Variants in SLC38A6 observed in about 807,000 individuals in gnomAD.
The protein encoded by SLC38A6 is solute carrier family 38 member 6, also known as N system amino acid transporter NAT-1.
In SLC38A6, 73 loss-of-function variants were observed where a neutral mutation model predicts 65.0. The observed-to-expected ratio is 1.12, with a 90% CI of 0.93 to 1.37. SLC38A6 has a LOEUF of 1.37. Ranked by LOEUF, SLC38A6 falls within the 40% of genes most tolerant of loss-of-function variation. The pLI is 0.00. For synonymous variants in SLC38A6, 183 were observed against 178.8 expected (o/e 1.02, Z -0.19); for missense variants, 561 against 531.1 (o/e 1.06, Z -0.55).
At chr14:61,014,995 G>C (rs574826263) in intron 3 of SLC38A6, among the ~76,000 whole-genome samples, 1 of 152,202 alleles carries the variant, frequency 6.6e-6, no homozygotes, top group Non-Finnish European at 1.5e-5. Flanking sequence ...AGTCTACAGA[G>C]GCACGCAGGG....
intron 5 of SLC38A6, among the ~76,000 whole-genome samples, chr14:61,026,460 T>A (rs140894320): frequency 3.9e-4 from 60 of 152,128 alleles, no homozygotes; most frequent in African/African-American, 1.1e-3. Context: ...ACATTGAAAA[T>A]ATATCTCAAG....
rs112261027 is a variant in SLC38A6 at position 61,019,646 on chromosome 14, T to C, written c.403+66T>C. 35 of 1,514,400 alleles carry C rather than the reference T, an allele frequency of 2.3e-5. No homozygotes were observed. The African/African-American group carries it at 2.7e-4, about 12-fold the overall frequency. The allele number at this position is 1,514,400 out of a possible 1,614,324, so 93.8% of individuals were successfully genotyped here. On this transcript the variant is annotated intron_variant, in intron 5 of 15. Coordinates refer to ENST00000267488, the MANE Select transcript of SLC38A6 (RefSeq NM_153811.3). ...GGCAATAATGTCCTTTGAATTGTTATCTTACTACAGATCTAGCTGGGAACT... is the reference window on the plus strand; with the variant it reads ...GGCAATAATGTCCTTTGAATTGTTACCTTACTACAGATCTAGCTGGGAACT...
intron 2 of SLC38A6, among the ~76,000 whole-genome samples, chr14:60,984,094 C>A (rs138569290): frequency 6.6e-6 from 1 of 152,176 alleles, no homozygotes; most frequent in African/African-American, 2.4e-5. Flanking sequence ...AGGAAATTAT[C>A]TAAGTTTTTT....
At chr14:61,028,609 C>A (rs918975142) in intron 5 of SLC38A6, among the ~76,000 whole-genome samples, 1 of 152,054 alleles carries the variant, frequency 6.6e-6, no homozygotes, top group African/African-American at 2.4e-5. Flanking sequence ...CACATACAAT[C>A]AGTTGTAATA....
rs1394622999 is a variant in SLC38A6, at chr14:60,984,933, G to A, written c.310+130G>A. On this transcript the variant is annotated intron_variant, in intron 3 of 15. Coordinates refer to ENST00000267488, the MANE Select transcript of SLC38A6 (RefSeq NM_153811.3). ...TTTTATTAGATAGGGTGATCGGAAT[G>A]GAGAATTTGAAAAACCAGGATATAC... 5.7e-6 allele frequency: 5 copies of A among 871,026 alleles called. No homozygotes were observed. In the Admixed American group the frequency reaches 1.1e-4, roughly 20 times the overall value. The allele number at this position is 871,026 out of a possible 1,614,324, so 54.0% of individuals were successfully genotyped here.
intron 3 of SLC38A6, among the ~76,000 whole-genome samples, chr14:61,008,163 T>C (rs2039288406): frequency 6.6e-6 from 1 of 152,190 alleles, no homozygotes. Flanking sequence ...GTGCATTGTT[T>C]AGCAGTATGT....
intron 3 of SLC38A6, among the ~76,000 whole-genome samples, chr14:60,987,970 A>G (rs1241734264): frequency 6.6e-6 from 1 of 152,018 alleles, no homozygotes; most frequent in Admixed American, 6.6e-5. Flanking sequence ...CATTTCTCAG[A>G]CTCATCCCAT....
chr14:61,026,491 G>C (rs2040620611), intron 5 of SLC38A6, among the ~76,000 whole-genome samples: 1 of 151,950 alleles, frequency 6.6e-6, no homozygotes, highest in South Asian at 2.1e-4. Context: ...AATTCTAAGT[G>C]TTACTAAAGC....
intron 5 of SLC38A6, among the ~76,000 whole-genome samples, chr14:61,023,541 C>T (rs911049127): frequency 1.0e-4 from 15 of 144,086 alleles, no homozygotes; most frequent in African/African-American, 3.9e-4. Flanking sequence ...CCACTGAACT[C>T]CAACCTGGGC....
At chr14:61,017,937 TAAAG>T (rs2040116629) in intron 4 of SLC38A6, among the ~76,000 whole-genome samples, 2 of 152,224 alleles carry the variant, frequency 1.3e-5, no homozygotes, top group Admixed American at 1.3e-4. Context: ...AATATTATGA[TAAAG>T]AAATTTTTTG....
chr14:61,032,703 T>C (rs182944166), intron 6 of SLC38A6, among the ~76,000 whole-genome samples: 5 of 151,984 alleles, frequency 3.3e-5, no homozygotes, highest in African/African-American at 9.6e-5. Flanking sequence ...AGATAAATCA[T>C]TAGTCTTGAA....
At chr14:61,029,456 A>C (rs1159856994) in intron 5 of SLC38A6, among the ~76,000 whole-genome samples, 1 of 152,110 alleles carries the variant, frequency 6.6e-6, no homozygotes, top group African/African-American at 2.4e-5. Context: ...TTTTGGCCCC[A>C]ACACATACAC....
At chr14:61,013,790 C>T (rs1029268762) in intron 3 of SLC38A6, among the ~76,000 whole-genome samples, 6 of 152,078 alleles carry the variant, frequency 3.9e-5, no homozygotes, top group Admixed American at 3.9e-4. Context: ...GTGGGTAACC[C>T]GACTTTCTCT....
chr14:61,015,639 T>C (rs2039957068), intron 3 of SLC38A6, among the ~76,000 whole-genome samples: 1 of 152,188 alleles, frequency 6.6e-6, no homozygotes, highest in African/African-American at 2.4e-5. Context: ...TATTGTGGCT[T>C]ATGTTTTGGG....
chr14:60,982,659 A>G (rs772817618), intron 2 of SLC38A6, 21 bp downstream of exon 2: 1 of 1,589,490 alleles, frequency 6.3e-7, no homozygotes, highest in East Asian at 2.2e-5. Context: ...ATATTTTAGC[A>G]TCAAATTTTT....
At chr14:61,042,015 G>A (rs2041848233) in intron 8 of SLC38A6, among the ~76,000 whole-genome samples, 1 of 152,030 alleles carries the variant, frequency 6.6e-6, no homozygotes, top group Non-Finnish European at 1.5e-5. Context: ...ATGATGGTGA[G>A]ATTATTGCTT....
chr14:61,015,293 G>T (rs896355385), intron 3 of SLC38A6, among the ~76,000 whole-genome samples: 1 of 152,136 alleles, frequency 6.6e-6, no homozygotes, highest in African/African-American at 2.4e-5. Flanking sequence ...CCCTTTCTTT[G>T]ACTAGGAAAG....
intron 3 of SLC38A6, among the ~76,000 whole-genome samples, chr14:61,015,636 G>T (rs1371268633): frequency 6.6e-6 from 1 of 152,194 alleles, no homozygotes; most frequent in Admixed American, 6.5e-5. Flanking sequence ...AGGTATTGTG[G>T]CTTATGTTTT....
Position 60,984,759 on chromosome 14 carries a change from C to A in SLC38A6, c.266C>A (p.Ala89Asp), listed in dbSNP as rs781138423. 2 of 1,614,006 alleles carry A rather than the reference C, an allele frequency of 1.2e-6. No homozygotes were observed. The highest frequency in any genetic ancestry group is 1.1e-5 in the South Asian group (1 of 91,068). The stretch of plus-strand genomic sequence containing the variant: ...TTGCTGCTGACAGTTGCTCTCCTGG[C>A]TTCTTACTCAGTCCATCTTCTGCTT... ...SFLLLTVALL[A>D]SYSVHLLLSM... is the part of the protein sequence containing the mutation. The change falls in exon 3 of 16, where the codon GCT (alanine) becomes GAT (aspartate). Residue 89 changes from alanine to aspartate, a missense_variant. By Grantham distance (126) the Ala-to-Asp change is moderately radical. Coordinates refer to ENST00000267488, the MANE Select transcript of SLC38A6 (RefSeq NM_153811.3).
Sources: gnomAD v4.1 joint callset for allele counts (sites outside exome capture counted in the v4.1 genomes callset) on GRCh38, gnomAD v4.1.1 for gene constraint, MANE v1.5 for transcripts, NCBI Gene and HGNC (gene_info 2026-07-23, HGNC 2026-07-21) for gene names.